The following METTL21A variants were observed in gnomAD, a reference collection of about 807,000 sequenced individuals.
METTL21A encodes the protein protein N-lysine methyltransferase METTL21A.
METTL21A carries 22 observed loss-of-function variants against 20.9 expected under a neutral mutation model. The ratio of observed to expected loss-of-function variants is 1.05; its 90% CI spans 0.75 to 1.50. The LOEUF is 1.50. Among genes scored for constraint, METTL21A ranks in the 40% most tolerant of loss-of-function variants. The pLI, the probability that METTL21A is intolerant of heterozygous loss-of-function variation, is 0.00. For synonymous variants in METTL21A, 93 were observed against 102.0 expected, an observed-to-expected ratio of 0.91 and a Z score of 0.53; for missense variants, 271 against 266.8, an observed-to-expected ratio of 1.02 and a Z score of -0.11.
In METTL21A at chr2:207,587,516, G is replaced by A. The variant is rs76823461; in HGVS notation, c.260-5356C>T. On this transcript the variant is annotated intron_variant, in intron 3 of 3. Coordinates refer to the METTL21A transcript ENST00000425132. ...GAAACCAGTATTGCATCACTTCACA[G>A]TAGCTAAGATAGGGAATCAACCTAA... Among the ~76,000 whole-genome samples the A allele has an allele frequency of 1.5e-4, 23 of 152,162 alleles. No homozygotes were observed. The East Asian group carries it at 4.1e-3, about 27-fold the overall frequency.
intron 2 of METTL21A, 29 bp downstream of exon 2, chr2:207,624,200 T>C (rs368125648): frequency 2.6e-5 from 41 of 1,553,144 alleles, no homozygotes; most frequent in African/African-American, 5.6e-5. Context: ...AGTGTGAACG[T>C]TTTCAGAGGT....
Position 207,597,764 on chromosome 2 carries a change from G to C in METTL21A, c.260-15604C>G, listed in dbSNP as rs2086405833. ...AGTTCTGTATGTGTTCAACATTTTTGAATACATTAAAAGAAGTAACCAACT... is the reference window on the plus strand; with the variant it reads ...AGTTCTGTATGTGTTCAACATTTTTCAATACATTAAAAGAAGTAACCAACT... On this transcript the variant is annotated intron_variant, in intron 3 of 3. Coordinates refer to the METTL21A transcript ENST00000425132. The C allele has an allele frequency of 1.5e-5, 3 of 201,318 alleles. No homozygotes were observed. In the East Asian group the frequency reaches 2.3e-4, roughly 15 times the overall value. 12.5% of individuals were successfully genotyped at this position (201,318 alleles called of 1,614,324 possible).
downstream of METTL21A, among the ~76,000 whole-genome samples, chr2:207,607,345 C>T (rs532140536): frequency 1.3e-5 from 2 of 152,038 alleles, no homozygotes; most frequent in African/African-American, 4.8e-5. Context: ...AAGATCACAC[C>T]ACTGCACTCC....
chr2:207,608,384 G>A (rs2088452186), downstream of METTL21A, among the ~76,000 whole-genome samples: 1 of 150,880 alleles, frequency 6.6e-6, no homozygotes, highest in South Asian at 2.1e-4. Context: ...AAAATCACTT[G>A]ATTTTCACTT....
At chr2:207,590,312 CCT>C (rs140908499) in intron 3 of METTL21A, among the ~76,000 whole-genome samples, 2 of 151,342 alleles carry the variant, frequency 1.3e-5, no homozygotes, top group African/African-American at 2.4e-5. Context: ...TTTTGTCTTT[CCT>C]CTCTCTCTGT....
Position 207,621,927 on chromosome 2 carries a change from AAC to A in METTL21A, c.148-12_148-11del. The A allele has an allele frequency of 2.5e-6, 4 of 1,611,600 alleles. No homozygotes were observed. The highest frequency in any genetic ancestry group is 2.5e-6 in the Non-Finnish European group (3 of 1,177,810). ...TGGAAAGAACGATGGCCTGAATGAAAACACAGTGTGATGACGATTAAGGTCAA... is the reference window on the plus strand; with the variant it reads ...TGGAAAGAACGATGGCCTGAATGAAAACAGTGTGATGACGATTAAGGTCAA... On this transcript the variant is annotated splice_polypyrimidine_tract_variant and intron_variant, in intron 2 of 3. Transcript: ENST00000406927.
At chr2:207,586,546 AAAAG>A (rs1050677949) in intron 3 of METTL21A, among the ~76,000 whole-genome samples, 4 of 152,340 alleles carry the variant, frequency 2.6e-5, no homozygotes, top group African/African-American at 9.6e-5. Flanking sequence ...ACAAGCAACA[AAAAG>A]AAAAATAGTT....
intron 2 of METTL21A, among the ~76,000 whole-genome samples, chr2:207,623,374 A>G (rs1358339747): frequency 6.6e-6 from 1 of 152,208 alleles, no homozygotes; most frequent in Admixed American, 6.5e-5. Context: ...TTCAACATTA[A>G]TTGAGTTCCC....
chr2:207,600,966 G>A (rs561733446), intron 3 of METTL21A: 3 of 172,418 alleles, frequency 1.7e-5, no homozygotes, highest in Admixed American at 1.6e-4. Flanking sequence ...ATCAGCCACA[G>A]TCAGCTATTA....
Position 207,621,686 on chromosome 2 carries a change from T to C in METTL21A, c.259+120A>G. 7 of 844,584 alleles carry C rather than the reference T, an allele frequency of 8.3e-6. No individual in the cohort carries two copies. In the South Asian group the frequency reaches 9.0e-5, roughly 11 times the overall value. 52.3% of individuals were successfully genotyped at this position (844,584 alleles called of 1,614,324 possible). ...CAGCAGTTGGCCCACAACTCATAAGTATAAGCAAAAGATAATAACCCAGTA... is the reference window on the plus strand; with the variant it reads ...CAGCAGTTGGCCCACAACTCATAAGCATAAGCAAAAGATAATAACCCAGTA... On this transcript the variant is annotated intron_variant, in intron 3 of 3. Coordinates refer to ENST00000406927, the Ensembl canonical transcript of METTL21A.
At chr2:207,603,117 T>TA (rs1254322015) in intron 3 of METTL21A, 2 of 210,006 alleles carry the variant, frequency 9.5e-6, no homozygotes, top group African/African-American at 4.5e-5. Context: ...ATGAGGGAAA[T>TA]ACATTTCTAA....
intron 3 of METTL21A, chr2:207,597,101 G>A (rs772562388): frequency 1.3e-6 from 2 of 1,543,246 alleles, no homozygotes; most frequent in Non-Finnish European, 1.7e-6. Flanking sequence ...AAAATGGACT[G>A]GCTTGGCCAC....
chr2:207,592,332 G>T (rs144025150), intron 3 of METTL21A, among the ~76,000 whole-genome samples: 2 of 152,190 alleles, frequency 1.3e-5, no homozygotes, highest in Admixed American at 6.5e-5. Flanking sequence ...ACTTAAACCC[G>T]GGAGGCAGAG....
downstream of METTL21A, chr2:207,581,009 T>C (rs1367265025): frequency 4.6e-6 from 1 of 218,278 alleles, no homozygotes; most frequent in Non-Finnish European, 9.2e-6. Context: ...CTACAGGAAG[T>C]GGAGAGTGAA....
At chr2:207,614,394 A>G (rs1047848064) in intron 3 of METTL21A, among the ~76,000 whole-genome samples, 1 of 133,750 alleles carries the variant, frequency 7.5e-6, no homozygotes, top group African/African-American at 2.8e-5. Context: ...AAAAAAAAAA[A>G]TATCTGGGAG....
At chr2:207,612,016 G>T (rs1428198587), downstream of METTL21A, 3 of 1,316 alleles carry the variant, frequency 2.3e-3, 1 homozygote, top group Non-Finnish European at 3.2e-3. Flanking sequence ...ACCCAAGAAT[G>T]ATCAATAAAA....
exon 4 of METTL21A, chr2:207,613,160 G>T (rs2089207681): frequency 1.9e-6 from 3 of 1,614,006 alleles, no homozygotes; most frequent in Non-Finnish European, 2.5e-6. Flanking sequence ...CTAAGAAGTT[G>T]TTATCCCGTT....
chr2:207,619,163 C>T (rs1222112847), intron 3 of METTL21A, among the ~76,000 whole-genome samples: 1 of 136,180 alleles, frequency 7.3e-6, no homozygotes, highest in African/African-American at 2.8e-5. Context: ...TTAATATCTA[C>T]ATAGCACCGC....
At chr2:207,605,662 A>G (rs1385992066), downstream of METTL21A, among the ~76,000 whole-genome samples, 2 of 152,228 alleles carry the variant, frequency 1.3e-5, no homozygotes, top group African/African-American at 2.4e-5. Context: ...CACAAAAGGT[A>G]GGTACAAACA....
Sources: gnomAD v4.1 joint callset for allele counts (sites outside exome capture counted in the v4.1 genomes callset) on GRCh38, gnomAD v4.1.1 for gene constraint, MANE v1.5 for transcripts, NCBI Gene and HGNC (gene_info 2026-07-23, HGNC 2026-07-21) for gene names.